The following MEMO1 variants were observed in gnomAD, a reference collection of about 807,000 sequenced individuals.
MEMO1 encodes the protein mediator of cell motility 1.
MEMO1 carries 6 observed loss-of-function variants against 45.2 expected under a neutral mutation model. That is an observed-to-expected ratio of 0.13 (90% CI 0.07 to 0.26). MEMO1 has a LOEUF of 0.26. Ranked by LOEUF, MEMO1 falls within the 10% of genes least tolerant of loss-of-function variation. The probability of loss-of-function intolerance (pLI) is 1.00; values close to 1 mark genes in which losing one functional copy is unlikely to be tolerated. For missense variants in MEMO1, 184 were observed against 370.5 expected (o/e 0.50, Z 4.13); for synonymous variants, 78 against 124.3 (o/e 0.63, Z 2.48).
chr2:31,954,726 A>T (rs1271368388), intron 2 of MEMO1, among the ~76,000 whole-genome samples: 1 of 151,928 alleles, frequency 6.6e-6, no homozygotes, highest in Non-Finnish European at 1.5e-5. Context: ...CTCAACTACT[A>T]GGGAGGCTGA....
At chr2:31,965,585 T>C (rs1007383072) in intron 2 of MEMO1, among the ~76,000 whole-genome samples, 1 of 152,168 alleles carries the variant, frequency 6.6e-6, no homozygotes, top group African/African-American at 2.4e-5. Context: ...TACCTGGGTA[T>C]GTGACCTAAA....
chr2:31,913,525 T>C (rs1299276329), intron 6 of MEMO1, among the ~76,000 whole-genome samples: 1 of 151,772 alleles, frequency 6.6e-6, no homozygotes, highest in Non-Finnish European at 1.5e-5. Flanking sequence ...GAGTTTTTTT[T>C]TTTTTTTATT....
At chr2:31,879,205 A>C (rs1213593819) in intron 8 of MEMO1, among the ~76,000 whole-genome samples, 1 of 152,170 alleles carries the variant, frequency 6.6e-6, no homozygotes, top group African/African-American at 2.4e-5. Flanking sequence ...ATTCCACTGA[A>C]ACTGCTCTTG....
chr2:31,983,596 G>A lies in MEMO1; in HGVS notation c.61+26591C>T, dbSNP rs556132135. ...ATTACAGGCATGCACCACCATACCC[G>A]GCTAATTTTGTATTTTTAGTAGAGA... On this transcript the variant is annotated intron_variant, in intron 2 of 9. Coordinates refer to ENST00000404530, the MANE Select transcript of MEMO1 (RefSeq NM_001301833.4). 3.0e-3 allele frequency among the ~76,000 whole-genome samples: 456 copies of A among 152,102 alleles called. 1 individual carries two copies. Among genetic ancestry groups the A allele is most frequent in the African/African-American group, 0.01 (434 of 41,516 alleles).
intron 4 of MEMO1, among the ~76,000 whole-genome samples, chr2:31,925,172 C>T (rs1376335615): frequency 6.6e-6 from 1 of 151,988 alleles, no homozygotes; most frequent in Non-Finnish European, 1.5e-5. Context: ...GCTTGGCTAC[C>T]CTGGCTTAAA....
chr2:31,978,967 C>A (rs35179884), intron 2 of MEMO1, among the ~76,000 whole-genome samples: 7 of 151,934 alleles, frequency 4.6e-5, no homozygotes, highest in Admixed American at 6.6e-5. Flanking sequence ...CCATCCCCCC[C>A]CAAAAAAAAG....
intron 6 of MEMO1, among the ~76,000 whole-genome samples, chr2:31,911,337 T>C (rs956353336): frequency 6.6e-6 from 1 of 152,130 alleles, no homozygotes; most frequent in African/African-American, 2.4e-5. Flanking sequence ...ACTGAGACAG[T>C]AAACTGATCA....
intron 2 of MEMO1, among the ~76,000 whole-genome samples, chr2:31,996,688 T>C (rs573548807): frequency 6.6e-6 from 1 of 152,270 alleles, no homozygotes; most frequent in South Asian, 2.1e-4. Context: ...TCCAACTTAA[T>C]CTAATTAACA....
intron 6 of MEMO1, among the ~76,000 whole-genome samples, chr2:31,895,302 A>G (rs763487803): frequency 6.6e-6 from 1 of 152,230 alleles, no homozygotes; most frequent in Non-Finnish European, 1.5e-5. Flanking sequence ...TCTGAGTAAG[A>G]GCAGATATTG....
At chr2:31,941,463 C>T (rs1327026623) in intron 3 of MEMO1, among the ~76,000 whole-genome samples, 1 of 152,158 alleles carries the variant, frequency 6.6e-6, no homozygotes, top group Non-Finnish European at 1.5e-5. Context: ...CTTCTTAGCA[C>T]CCATCAGCAC....
chr2:32,007,528 A>G (rs1674252249), intron 2 of MEMO1, among the ~76,000 whole-genome samples: 1 of 151,324 alleles, frequency 6.6e-6, no homozygotes, highest in Admixed American at 6.6e-5. Flanking sequence ...TATATATGTA[A>G]TATTTATATA....
chr2:31,912,189 T>C (rs552569258), intron 6 of MEMO1, among the ~76,000 whole-genome samples: 1 of 151,816 alleles, frequency 6.6e-6, no homozygotes, highest in Non-Finnish European at 1.5e-5. Flanking sequence ...ACAAAAAAAT[T>C]AGCTGGCGTG....
chr2:31,920,096 T>A (rs915948757), intron 5 of MEMO1, among the ~76,000 whole-genome samples: 1 of 152,048 alleles, frequency 6.6e-6, no homozygotes, highest in African/African-American at 2.4e-5. Context: ...GAATAAATTG[T>A]GGATGTTAAG....
intron 2 of MEMO1, among the ~76,000 whole-genome samples, chr2:31,988,034 G>A (rs1671481766): frequency 6.6e-6 from 1 of 152,142 alleles, no homozygotes; most frequent in South Asian, 2.1e-4. Context: ...GGAGGAGTCA[G>A]TATGTACAGA....
chr2:31,990,296 C>G (rs532510999), intron 2 of MEMO1, among the ~76,000 whole-genome samples: 1 of 152,040 alleles, frequency 6.6e-6, no homozygotes. Flanking sequence ...ATAACAAATG[C>G]CACTCTTCTC....
In MEMO1 at chr2:31,918,028, T is replaced by C; in HGVS notation, c.335A>G (p.Glu112Gly). 1 of 1,608,582 alleles carries C rather than the reference T, an allele frequency of 6.2e-7. No homozygotes were observed. Among genetic ancestry groups the C allele is most frequent in the Non-Finnish European group, 8.5e-7 (1 of 1,177,158 alleles). The stretch of plus-strand genomic sequence containing the variant: ...TTCAAACATTCCTGTCTTCCACAGT[T>C]CTCCGTAAACTAAAGAGATTTCAAA... ...DLRIDQKIYG[E>G]LWKTGMFERM... The change falls in exon 6 of 10, where the codon GAA (glutamate) becomes GGA (glycine). Residue 112 changes from glutamate to glycine, a missense_variant. Coordinates refer to ENST00000404530, the MANE Select transcript of MEMO1 (RefSeq NM_001301833.4).
intron 6 of MEMO1, among the ~76,000 whole-genome samples, chr2:31,902,255 A>G (rs1678961703): frequency 6.6e-6 from 1 of 151,970 alleles, no homozygotes; most frequent in African/African-American, 2.4e-5. Context: ...CACCTCTACT[A>G]AAAATAGTGA....
chr2:31,886,084 A>C (rs1244916910), intron 7 of MEMO1, among the ~76,000 whole-genome samples: 1 of 152,238 alleles, frequency 6.6e-6, no homozygotes, highest in Non-Finnish European at 1.5e-5. Context: ...AAAAATGCAC[A>C]GAGAGCCAAT....
At chr2:31,871,793 C>T (rs1673790792) in intron 8 of MEMO1, among the ~76,000 whole-genome samples, 1 of 152,102 alleles carries the variant, frequency 6.6e-6, no homozygotes, top group Non-Finnish European at 1.5e-5. Context: ...GCAGGTGGGT[C>T]ACCTGAGGTC....
Sources: gnomAD v4.1 joint callset for allele counts (sites outside exome capture counted in the v4.1 genomes callset) on GRCh38, gnomAD v4.1.1 for gene constraint, MANE v1.5 for transcripts, NCBI Gene and HGNC (gene_info 2026-07-23, HGNC 2026-07-21) for gene names.